CLIC5: variants seen among roughly 807,000 people sequenced by gnomAD.
The protein encoded by CLIC5 is CLIC family member 5, also known as chloride intracellular channel protein 5.
A neutral mutation model predicts 24.7 loss-of-function variants in CLIC5; 20 were observed. The ratio of observed to expected loss-of-function variants is 0.81; its 90% CI spans 0.57 to 1.18. The LOEUF is 1.18. Among genes scored for constraint, CLIC5 ranks in the 50% most tolerant of loss-of-function variants. CLIC5 has a pLI of 0.00. For missense variants in CLIC5, 341 were observed against 326.1 expected, an observed-to-expected ratio of 1.05 and a Z score of -0.35; for synonymous variants, 159 against 135.6, an observed-to-expected ratio of 1.17 and a Z score of -1.20.
At chr6:46,064,128 T>G (rs573923951) in intron 1 of CLIC5, among the ~76,000 whole-genome samples, 1 of 152,186 alleles carries the variant, frequency 6.6e-6, no homozygotes, top group South Asian at 2.1e-4. Context: ...TAAACATACA[T>G]CTTATGTTTA....
At chr6:46,099,937 A>C in the CLIC5 span, among the ~76,000 whole-genome samples, 1 of 152,086 alleles carries the variant, frequency 6.6e-6, no homozygotes, top group Non-Finnish European at 1.5e-5. Context: ...TTCTATCTCA[A>C]GGAAAACTTC....
At chr6:45,885,168 G>A (rs916000315) in intron 6 of CLIC5, among the ~76,000 whole-genome samples, 4 of 152,088 alleles carry the variant, frequency 2.6e-5, no homozygotes, top group Admixed American at 2.0e-4. Flanking sequence ...GTATTAGGAA[G>A]TGGGGCCTTT....
chr6:45,895,567 G>A (rs1762386666), downstream of CLIC5, among the ~76,000 whole-genome samples: 1 of 152,212 alleles, frequency 6.6e-6, no homozygotes. Context: ...GAAATGAAGA[G>A]TGAGATCCAA....
intron 1 of CLIC5, among the ~76,000 whole-genome samples, chr6:46,049,679 T>C (rs1164478613): frequency 2.0e-5 from 3 of 152,048 alleles, no homozygotes; most frequent in African/African-American, 7.2e-5. Flanking sequence ...AAACAAAACA[T>C]TGGGTTGGGT....
intron 1 of CLIC5, among the ~76,000 whole-genome samples, chr6:46,061,146 G>A (rs1022416617): frequency 6.6e-6 from 1 of 152,144 alleles, no homozygotes; most frequent in African/African-American, 2.4e-5. Flanking sequence ...CAAGAGAATT[G>A]CTTAACCATC....
At chr6:45,989,780 T>G (rs776386436) in intron 1 of CLIC5, among the ~76,000 whole-genome samples, 1 of 152,130 alleles carries the variant, frequency 6.6e-6, no homozygotes, top group Non-Finnish European at 1.5e-5. Context: ...CCCTTTAGAA[T>G]AGGAGGCAAT....
intron 1 of CLIC5, among the ~76,000 whole-genome samples, chr6:46,010,076 G>C (rs753597560): frequency 6.6e-6 from 1 of 152,152 alleles, no homozygotes; most frequent in Non-Finnish European, 1.5e-5. Flanking sequence ...TCAGGGGTCA[G>C]CTCCAACAAT....
At chr6:46,069,497 C>G (rs1191833753) in intron 1 of CLIC5, among the ~76,000 whole-genome samples, 1 of 151,942 alleles carries the variant, frequency 6.6e-6, no homozygotes, top group African/African-American at 2.4e-5. Flanking sequence ...TACACCCTCC[C>G]AAGACTGAAC....
At chr6:45,930,175 A>G (rs976860335) in intron 4 of CLIC5, among the ~76,000 whole-genome samples, 11 of 152,226 alleles carry the variant, frequency 7.2e-5, no homozygotes, top group African/African-American at 2.6e-4. Context: ...AGTGGCTTTC[A>G]TGACGCCTGG....
At chr6:46,113,398 G>T in the CLIC5 span, among the ~76,000 whole-genome samples, 2 of 152,284 alleles carry the variant, frequency 1.3e-5, no homozygotes, top group East Asian at 3.9e-4. Flanking sequence ...GGCATTGCTG[G>T]AGGAGGTAAG....
intron 5 of CLIC5, among the ~76,000 whole-genome samples, chr6:45,906,193 G>A (rs546023970): frequency 7.2e-5 from 11 of 152,180 alleles, no homozygotes; most frequent in East Asian, 5.8e-4. Context: ...TGGCTATTCC[G>A]GCTCATTTTT....
chr6:46,033,230 G>T (rs1407616836), intron 1 of CLIC5, among the ~76,000 whole-genome samples: 2 of 150,100 alleles, frequency 1.3e-5, no homozygotes. Context: ...CTCATGATCC[G>T]CCCGCCTCGG....
intron 1 of CLIC5, among the ~76,000 whole-genome samples, chr6:46,075,397 G>A (rs1472191560): frequency 6.6e-6 from 1 of 151,942 alleles, no homozygotes; most frequent in Admixed American, 6.6e-5. Context: ...GCAAGACCCT[G>A]TCTCTACAAA....
intron 1 of CLIC5, among the ~76,000 whole-genome samples, chr6:45,987,683 C>A (rs73448938): frequency 0.034 from 5,188 of 152,202 alleles, 290 homozygotes; most frequent in African/African-American, 0.12. Context: ...TCCTGGTGTG[C>A]AGATGGCTGC....
chr6:45,969,918 T>C (rs1004393331), intron 1 of CLIC5, among the ~76,000 whole-genome samples: 2 of 151,866 alleles, frequency 1.3e-5, no homozygotes, highest in African/African-American at 2.4e-5. Flanking sequence ...TGTGTAGCTG[T>C]CTTTTCTCAC....
intron 4 of CLIC5, among the ~76,000 whole-genome samples, chr6:45,921,573 A>C (rs1763261948): frequency 6.6e-6 from 1 of 151,982 alleles, no homozygotes; most frequent in Non-Finnish European, 1.5e-5. Context: ...ACTTGGGTTT[A>C]TGAGAGGATG....
the CLIC5 span, among the ~76,000 whole-genome samples, chr6:46,117,678 A>AT: frequency 6.6e-6 from 1 of 152,240 alleles, no homozygotes; most frequent in Non-Finnish European, 1.5e-5. Context: ...AAGCTATAGG[A>AT]TGACCAATGA....
intron 1 of CLIC5, among the ~76,000 whole-genome samples, chr6:46,075,783 C>T (rs1448004175): frequency 1.3e-5 from 2 of 152,142 alleles, no homozygotes; most frequent in East Asian, 1.9e-4. Context: ...ACCACCCATC[C>T]CCTCTCTTTA....
rs770060180 is a variant in CLIC5 at position 45,903,269 on chromosome 6, G to A, written c.589-14C>T. 3 of 1,537,588 alleles carry A rather than the reference G, an allele frequency of 2.0e-6. No individual in the cohort carries two copies. Among genetic ancestry groups the A allele is most frequent in the Non-Finnish European group, 2.7e-6 (3 of 1,131,720 alleles). ...CTTGGCCACAATCTAAAACAGAGAT[G>A]GCAGGACAGAGGTGGTGTGAAGGCA... On this transcript the variant is annotated splice_polypyrimidine_tract_variant and intron_variant, in intron 5 of 5. Transcript: ENST00000339561.
Sources: gnomAD v4.1 joint callset for allele counts (sites outside exome capture counted in the v4.1 genomes callset) on GRCh38, gnomAD v4.1.1 for gene constraint, MANE v1.5 for transcripts, NCBI Gene and HGNC (gene_info 2026-07-23, HGNC 2026-07-21) for gene names.